Variants in KLK15 observed in about 807,000 individuals in gnomAD.
KLK15 encodes kallikrein-15.
KLK15 carries 19 observed loss-of-function variants against 21.1 expected under a neutral mutation model. That is an observed-to-expected ratio of 0.90 (90% CI 0.63 to 1.32). The LOEUF is 1.32. Ranked by LOEUF, KLK15 falls within the 40% of genes most tolerant of loss-of-function variation. KLK15 has a pLI of 0.00. For missense variants in KLK15, 345 were observed against 348.6 expected, an observed-to-expected ratio of 0.99 and a Z score of 0.08; for synonymous variants, 141 against 141.5, an observed-to-expected ratio of 1.00 and a Z score of 0.03.
chr19:50,828,908 G>T (rs2089930963), intron 1 of KLK15, among the ~76,000 whole-genome samples: 1 of 142,888 alleles, frequency 7.0e-6, no homozygotes, highest in Non-Finnish European at 1.5e-5. Context: ...GGCGGAGATT[G>T]CAGTGAGCGG....
rs776211322 is a variant in KLK15, at chr19:50,827,754, C to T, written c.105G>A (p.Trp35Ter). 14 of 1,611,024 alleles carry T rather than the reference C, an allele frequency of 8.7e-6. 1 individual carries two copies. The highest frequency in any genetic ancestry group is 1.2e-5 in the Non-Finnish European group (14 of 1,177,448). ...GTCCACGCTCGTAGAGAGCCACTTG[C>T]CATGGCTGGGAGTGGGGTGCACACT... Residue 35 changes from tryptophan to a stop codon, truncating the protein, a stop_gained, in exon 2 of 5, where the codon TGG becomes TGA. Transcript: ENST00000598239. LOFTEE classifies it high-confidence loss of function.
exon 3 of KLK15, chr19:50,826,996 C>G: frequency 6.2e-7 from 1 of 1,606,242 alleles, no homozygotes. Context: ...CGGGGCGCAC[C>G]TGGGGGTTCA....
downstream of KLK15, chr19:50,825,401 G>A (rs3212811): frequency 0.015 from 2,414 of 161,054 alleles, 76 homozygotes; most frequent in African/African-American, 0.054. Flanking sequence ...AGGAAACCAA[G>A]GCGAAGTGAG....
chr19:50,828,864 G>A (rs1456636604), intron 1 of KLK15, among the ~76,000 whole-genome samples: 2 of 150,342 alleles, frequency 1.3e-5, no homozygotes, highest in Admixed American at 1.3e-4. Context: ...AGCTACTCTG[G>A]AGGCTGAGGC....
At chr19:50,831,707 C>T (rs1262174369), upstream of KLK15, among the ~76,000 whole-genome samples, 1 of 152,134 alleles carries the variant, frequency 6.6e-6, no homozygotes, top group Admixed American at 6.5e-5. Context: ...TACTCTTCCT[C>T]TAGGCACTCG....
chr19:50,831,720 C>A (rs1294156188), upstream of KLK15, among the ~76,000 whole-genome samples: 1 of 152,148 alleles, frequency 6.6e-6, no homozygotes, highest in Non-Finnish European at 1.5e-5. Flanking sequence ...GGCACTCGGA[C>A]AGACCCTGCC....
exon 1 of KLK15, chr19:50,831,476 G>A (rs1251806815): frequency 2.1e-6 from 3 of 1,451,178 alleles, no homozygotes; most frequent in Non-Finnish European, 2.7e-6. Context: ...GAAGGAGAGA[G>A]TGAGGAGAAG....
intron 1 of KLK15, among the ~76,000 whole-genome samples, chr19:50,828,703 C>T (rs2089926582): frequency 1.3e-5 from 2 of 151,684 alleles, no homozygotes; most frequent in African/African-American, 2.4e-5. Flanking sequence ...CACGGTGGCT[C>T]ATGCCTGTAA....
At position 50,827,766 on chromosome 19, in the gene KLK15, G is replaced by T. The variant is rs1217300445; in HGVS notation, c.93C>A (p.His31Gln). 4.5e-5 allele frequency: 72 copies of T among 1,611,236 alleles called. 1 individual carries two copies. Among genetic ancestry groups the T allele is most frequent in the Non-Finnish European group, 6.0e-5 (71 of 1,177,732 alleles). The change falls in exon 2 of 5, where the codon CAC becomes CAA. Residue 31 changes from histidine (H) to glutamine (Q), a missense_variant. Physicochemically the swap from His to Gln is conservative, Grantham distance 24. Transcript: ENST00000598239. ...AGAGAGCCACTTGCCATGGCTGGGA[G>T]TGGGGTGCACACTCGTCACCTTCCA... is the stretch of plus-strand genomic sequence containing the variant.
chr19:50,825,682 G>C (rs926409479), downstream of KLK15: 2 of 1,058,030 alleles, frequency 1.9e-6, no homozygotes, highest in African/African-American at 3.2e-5. Flanking sequence ...CTAACATCTG[G>C]GCCTTGGACA....
In KLK15 at chr19:50,826,609, C is replaced by G. The variant is rs988983258; in HGVS notation, c.618+12G>C. On this transcript the variant is annotated intron_variant, in intron 4 of 4. Transcript: ENST00000598239. ...CCTCTTCTTCCGCCTGATGGCCCCT[C>G]TAGGCTCTGACCTCACAGGATTCTG... 1 of 1,581,672 alleles carries G rather than the reference C, an allele frequency of 6.3e-7. No individual in the cohort carries two copies. The highest frequency in any genetic ancestry group is 1.4e-5 in the African/African-American group (1 of 73,858).
intron 2 of KLK15, 83 bp downstream of exon 3, chr19:50,827,579 G>A (rs550967007): frequency 1.4e-6 from 2 of 1,427,244 alleles, no homozygotes; most frequent in Non-Finnish European, 9.6e-7. Flanking sequence ...GAGTTCTGGC[G>A]TCTGCCTCCG....
chr19:50,829,681 G>A (rs1334893142), intron 1 of KLK15, among the ~76,000 whole-genome samples: 11 of 151,762 alleles, frequency 7.2e-5, no homozygotes, highest in East Asian at 1.9e-4. Flanking sequence ...TCAGCTGGGC[G>A]TGGTGGTGCG....
In KLK15 at chr19:50,827,805, A is replaced by G. The variant is rs756208706; in HGVS notation, c.54T>C (p.Asp18=). 19 of 1,611,332 alleles carry G rather than the reference A, an allele frequency of 1.2e-5. 2 individuals are homozygous for G. The highest frequency in any genetic ancestry group is 1.5e-5 in the Non-Finnish European group (18 of 1,177,782). Reference sequence around the variant, plus strand: ...CGTCACCTTCCAGCAACTTGTCACCATCCTGGGCTGCTAAGAGAAGGGGTA... The same window carrying G: ...CGTCACCTTCCAGCAACTTGTCACCGTCCTGGGCTGCTAAGAGAAGGGGTA... The change falls in exon 2 of 5, where the codon GAT becomes GAC. Residue 18 remains aspartate, a synonymous_variant. Transcript: ENST00000598239.
chr19:50,831,682 C>T (rs1347550539), upstream of KLK15, among the ~76,000 whole-genome samples: 2 of 152,170 alleles, frequency 1.3e-5, no homozygotes, highest in African/African-American at 4.8e-5. Flanking sequence ...CTGGGTCCCC[C>T]ATCTCTGGAA....
intron 1 of KLK15, among the ~76,000 whole-genome samples, chr19:50,828,192 C>T (rs1002548727): frequency 6.6e-6 from 1 of 151,448 alleles, no homozygotes; most frequent in Non-Finnish European, 1.5e-5. Context: ...ATGCTCTGCC[C>T]GCCTCAGCCT....
At chr19:50,832,281 TA>T (rs1259546204), upstream of KLK15, among the ~76,000 whole-genome samples, 3 of 151,662 alleles carry the variant, frequency 2.0e-5, no homozygotes, top group Non-Finnish European at 4.4e-5. Flanking sequence ...ACCACCAGGA[TA>T]AAGTCCAGCT....
exon 3 of KLK15, chr19:50,827,015 G>A (rs1032810367): frequency 2.5e-6 from 4 of 1,605,846 alleles, no homozygotes; most frequent in Admixed American, 1.7e-5. Flanking sequence ...CAGGCGTGCG[G>A]GCTGGACTAG....
chr19:50,826,056 G>A (rs1040701358), intron 4 of KLK15, 108 bp from the exon 6 acceptor site: 4 of 1,183,932 alleles, frequency 3.4e-6, no homozygotes, highest in Non-Finnish European at 3.5e-6. Context: ...CCCATCCCAG[G>A]GAACCCCAAC....
Sources: allele counts gnomAD v4.1 joint callset (sites outside exome capture counted in the v4.1 genomes callset), GRCh38; gene constraint gnomAD v4.1.1; transcripts MANE v1.5; gene names NCBI Gene and HGNC (gene_info 2026-07-23, HGNC 2026-07-21).